Variants in PCDHGB3 observed in about 807,000 individuals in gnomAD.
PCDHGB3 encodes protocadherin gamma subfamily B, 3.
PCDHGB3 carries 40 observed loss-of-function variants against 59.2 expected under a neutral mutation model. The ratio of observed to expected loss-of-function variants is 0.68; its 90% CI spans 0.52 to 0.88. PCDHGB3 has a LOEUF of 0.88. Ranked by LOEUF, PCDHGB3 falls within the 40% of genes least tolerant of loss-of-function variation. The pLI, the probability that PCDHGB3 is intolerant of heterozygous loss-of-function variation, is 0.00. For synonymous variants in PCDHGB3, 581 were observed against 503.6 expected (o/e 1.15, Z -2.06); for missense variants, 1,309 against 1,187.9 (o/e 1.10, Z -1.50).
chr5:141,371,177 A>G lies in PCDHGB3; in HGVS notation c.783A>G (p.Val261=), dbSNP rs757223785. 48 of 1,613,920 alleles carry G rather than the reference A, an allele frequency of 3.0e-5. No homozygotes were observed. In the South Asian group the frequency reaches 4.9e-4, roughly 17 times the overall value. ...AGAACCTGCCCGCTGGCTCCTCCGT[A>G]TTAAAAGTGATGGCCATTGACATGG... ...VAENLPAGSS[V]LKVMAIDMDE... is the part of the protein sequence containing the mutation. Residue 261 remains valine, a synonymous_variant, in exon 1 of 4, where the codon GTA becomes GTG. Coordinates refer to ENST00000576222, the MANE Select transcript of PCDHGB3 (RefSeq NM_018924.5).
At chr5:141,496,402 G>T (rs551923899) in intron 2 of PCDHGB3, among the ~76,000 whole-genome samples, 183 of 152,248 alleles carry the variant, frequency 1.2e-3, no homozygotes, top group African/African-American at 4.0e-3. Flanking sequence ...CCTCCTCAAT[G>T]GTTGAGTACT....
intron 1 of PCDHGB3, among the ~76,000 whole-genome samples, chr5:141,456,206 T>C (rs966457070): frequency 6.6e-6 from 1 of 152,098 alleles, no homozygotes; most frequent in African/African-American, 2.4e-5. Context: ...ACCACATTCC[T>C]CCCTGTGGCG....
intron 3 of PCDHGB3, among the ~76,000 whole-genome samples, chr5:141,506,282 C>G (rs1422321122): frequency 6.6e-6 from 1 of 152,040 alleles, no homozygotes; most frequent in East Asian, 1.9e-4. Flanking sequence ...AACCCTGTCT[C>G]TACTAAAAAT....
In PCDHGB3 at chr5:141,511,351, C is replaced by A. The variant is rs1190324197; in HGVS notation, c.*178C>A. 11 of 1,386,432 alleles carry A rather than the reference C, an allele frequency of 7.9e-6. No individual in the cohort carries two copies. Among genetic ancestry groups the A allele is most frequent in the South Asian group, 4.5e-5 (3 of 67,158 alleles). The allele number at this position is 1,386,432 out of a possible 1,614,324, so 85.9% of individuals were successfully genotyped here. On this transcript the variant is annotated 3_prime_UTR_variant, in exon 4 of 4. Transcript: ENST00000576222. ...CCAGTCAGCACCTACCCCTTCCCCC[C>A]CAGGGGGTTGAATATGCAAAAGCAG...
At position 141,415,393 on chromosome 5, in the gene PCDHGB3, T is replaced by C. The variant is rs574028530; in HGVS notation, c.2415+42584T>C. On this transcript the variant is annotated intron_variant, in intron 1 of 3. Transcript: ENST00000576222. ...TTCAGGAGGCGGCTTGACAGGTGTG[T>C]CCGGCTCGCACTTTGTGGGCGTGGA... 1.1e-5 allele frequency: 17 copies of C among 1,614,190 alleles called. No individual in the cohort carries two copies. In the East Asian group the frequency reaches 2.5e-4, roughly 23 times the overall value.
chr5:141,439,065 C>T (rs571768018), intron 1 of PCDHGB3, among the ~76,000 whole-genome samples: 13 of 151,628 alleles, frequency 8.6e-5, no homozygotes, highest in East Asian at 7.9e-4. Flanking sequence ...GTGTGGCAGG[C>T]GCCTGTAATC....
intron 1 of PCDHGB3, chr5:141,404,042 A>G: frequency 3.1e-6 from 5 of 1,613,892 alleles, no homozygotes; most frequent in Non-Finnish European, 4.2e-6. Context: ...ACCTCAGGGA[A>G]CAGTAATTCT....
At chr5:141,402,087 A>G (rs1388054772) in intron 1 of PCDHGB3, among the ~76,000 whole-genome samples, 1 of 152,224 alleles carries the variant, frequency 6.6e-6, no homozygotes, top group Non-Finnish European at 1.5e-5. Context: ...GAAATAGCAG[A>G]AAAGTTTAAG....
At chr5:141,500,184 T>TTATA (rs530565701) in intron 2 of PCDHGB3, among the ~76,000 whole-genome samples, 2 of 135,886 alleles carry the variant, frequency 1.5e-5, no homozygotes, top group Non-Finnish European at 3.2e-5. Flanking sequence ...TCATTTTTAT[T>TTATA]TTTATTTATT....
At chr5:141,399,949 A>G in intron 1 of PCDHGB3, 1 of 1,612,272 alleles carries the variant, frequency 6.2e-7, no homozygotes, top group Non-Finnish European at 8.5e-7. Flanking sequence ...GCTGCAGGCT[A>G]GCGAGCCCGG....
chr5:141,426,797 C>A (rs1487716495), intron 1 of PCDHGB3: 1 of 456,706 alleles, frequency 2.2e-6, no homozygotes, highest in Non-Finnish European at 4.4e-6. Context: ...GTTACCAGCT[C>A]AGTTCTAATG....
At chr5:141,394,751 C>A in intron 1 of PCDHGB3, 3 of 1,613,428 alleles carry the variant, frequency 1.9e-6, no homozygotes, top group Non-Finnish European at 2.5e-6. Context: ...TGGTGGCCGT[C>A]CAGGACCATG....
intron 1 of PCDHGB3, chr5:141,375,076 G>T: frequency 6.2e-7 from 1 of 1,614,010 alleles, no homozygotes; most frequent in Non-Finnish European, 8.5e-7. Flanking sequence ...GAGACAGAGC[G>T]AAAGTCTTAA....
intron 1 of PCDHGB3, chr5:141,383,969 C>G (rs981868963): frequency 6.2e-7 from 1 of 1,613,732 alleles, no homozygotes; most frequent in Non-Finnish European, 8.5e-7. Context: ...AGCTCAATCC[C>G]TGAAGACACA....
chr5:141,470,054 C>T (rs895181664), intron 1 of PCDHGB3, among the ~76,000 whole-genome samples: 2 of 152,118 alleles, frequency 1.3e-5, no homozygotes, highest in African/African-American at 4.8e-5. Flanking sequence ...GTTTGAACCC[C>T]GGAGGCAGAG....
chr5:141,404,860 T>G (rs3749769), intron 1 of PCDHGB3: 7 of 1,613,630 alleles, frequency 4.3e-6, no homozygotes, highest in Admixed American at 1.7e-5. Context: ...TAGATAGAGA[T>G]GCGCTCAAAC....
intron 1 of PCDHGB3, chr5:141,393,237 AT>A: frequency 1.2e-6 from 2 of 1,613,802 alleles, no homozygotes; most frequent in South Asian, 1.1e-5. Flanking sequence ...AGAAGTAAAA[AT>A]TAACGAAATC....
chr5:141,394,487 C>T (rs371014360), intron 1 of PCDHGB3: 11 of 1,614,248 alleles, frequency 6.8e-6, no homozygotes, highest in African/African-American at 5.3e-5. Context: ...AGAATGACAA[C>T]GCGCCCGAGA....
intron 1 of PCDHGB3, chr5:141,413,221 G>A (rs1384304697): frequency 1.2e-6 from 2 of 1,613,452 alleles, no homozygotes; most frequent in East Asian, 2.2e-5. Flanking sequence ...GGATTGCAGC[G>A]GGCTGGTCCT....
Sources: allele counts gnomAD v4.1 joint callset (sites outside exome capture counted in the v4.1 genomes callset), GRCh38; gene constraint gnomAD v4.1.1; transcripts MANE v1.5; gene names NCBI Gene and HGNC (gene_info 2026-07-23, HGNC 2026-07-21).